The following SPRED1 variants were observed in gnomAD, a reference collection of about 807,000 sequenced individuals.
SPRED1 encodes the protein sprouty-related, EVH1 domain-containing protein 1.
SPRED1 carries 18 observed loss-of-function variants against 52.3 expected under a neutral mutation model. The observed-to-expected ratio is 0.34, with a 90% CI of 0.24 to 0.51. SPRED1 has a LOEUF of 0.51. Among genes scored for constraint, SPRED1 ranks in the 20% least tolerant of loss-of-function variants. SPRED1 has a pLI of 0.97. For missense variants in SPRED1, 485 were observed against 551.0 expected, an observed-to-expected ratio of 0.88 and a Z score of 1.20; for synonymous variants, 155 against 179.7, an observed-to-expected ratio of 0.86 and a Z score of 1.10.
At chr15:38,294,618 G>A (rs1354996323) in intron 1 of SPRED1, among the ~76,000 whole-genome samples, 1 of 152,106 alleles carries the variant, frequency 6.6e-6, no homozygotes, top group Non-Finnish European at 1.5e-5. Flanking sequence ...AGAAAAGAAA[G>A]GTATAGAGAG....
At chr15:38,255,930 A>T (rs938072668) in intron 1 of SPRED1, among the ~76,000 whole-genome samples, 1 of 152,166 alleles carries the variant, frequency 6.6e-6, no homozygotes, top group Non-Finnish European at 1.5e-5. Flanking sequence ...GGAAACCATT[A>T]ACCCTTTCTA....
At position 38,356,716 on chromosome 15, in the gene SPRED1, T is replaced by C. The variant is rs935070534; in HGVS notation, c.*5052T>C. ...CATGTTGCAGCTAAGCTAATGACCT[T>C]AAGTGGCAATTGTTTAACCCAGGAC... On this transcript the variant is annotated 3_prime_UTR_variant, in exon 7 of 7. Coordinates refer to ENST00000299084, the MANE Select transcript of SPRED1 (RefSeq NM_152594.3). 2 of 152,022 alleles carry C rather than the reference T, an allele frequency of 1.3e-5. No homozygotes were observed. The highest frequency in any genetic ancestry group is 2.9e-5 in the Non-Finnish European group (2 of 67,970). 9.4% of individuals were successfully genotyped at this position (152,022 alleles called of 1,614,324 possible).
intron 1 of SPRED1, among the ~76,000 whole-genome samples, chr15:38,256,523 A>G (rs1459011096): frequency 1.3e-5 from 2 of 152,166 alleles, no homozygotes; most frequent in Non-Finnish European, 2.9e-5. Context: ...CATTTGGCTT[A>G]TTAGGTTCAC....
intron 1 of SPRED1, among the ~76,000 whole-genome samples, chr15:38,286,546 T>TTA: frequency 6.6e-6 from 1 of 151,802 alleles, no homozygotes; most frequent in South Asian, 2.1e-4. Flanking sequence ...TTATGGCTTT[T>TTA]TTTTTTTAAG....
chr15:38,291,864 C>T (rs1894930475), intron 1 of SPRED1, among the ~76,000 whole-genome samples: 1 of 152,192 alleles, frequency 6.6e-6, no homozygotes, highest in Non-Finnish European at 1.5e-5. Flanking sequence ...TTGACGTGGC[C>T]TGGAGATGTT....
chr15:38,287,120 G>A (rs1218267411), intron 1 of SPRED1, among the ~76,000 whole-genome samples: 1 of 152,052 alleles, frequency 6.6e-6, no homozygotes, highest in East Asian at 1.9e-4. Context: ...TTTAAAATGT[G>A]TAATAAGGCC....
At chr15:38,299,968 T>C (rs1174947030) in intron 2 of SPRED1, among the ~76,000 whole-genome samples, 1 of 152,194 alleles carries the variant, frequency 6.6e-6, no homozygotes, top group African/African-American at 2.4e-5. Flanking sequence ...AAATTAAAAA[T>C]AATAATTTTG....
At chr15:38,325,307 C>T (rs1895692801) in intron 4 of SPRED1, among the ~76,000 whole-genome samples, 1 of 152,160 alleles carries the variant, frequency 6.6e-6, no homozygotes, top group Admixed American at 6.5e-5. Flanking sequence ...GGTGTATAAA[C>T]ATAAATTTCA....
chr15:38,351,760 C>A lies in SPRED1; in HGVS notation c.*96C>A, dbSNP rs1566877203. 2 of 1,437,990 alleles carry A rather than the reference C, an allele frequency of 1.4e-6. No individual in the cohort carries two copies. Among genetic ancestry groups the A allele is most frequent in the Non-Finnish European group, 1.9e-6 (2 of 1,051,242 alleles). 89.1% of individuals were successfully genotyped at this position (1,437,990 alleles called of 1,614,324 possible). On this transcript the variant is annotated 3_prime_UTR_variant, in exon 7 of 7. Coordinates refer to ENST00000299084, the MANE Select transcript of SPRED1 (RefSeq NM_152594.3). The stretch of plus-strand genomic sequence containing the variant: ...TTTTGGCAAGCAATATGGAATCTTG[C>A]CTGGTATCATTGAGCCCACACATGG...
intron 1 of SPRED1, among the ~76,000 whole-genome samples, chr15:38,293,098 A>AATTTTTTTTT (rs1566857726): frequency 4.9e-5 from 1 of 20,208 alleles, no homozygotes; most frequent in African/African-American, 1.2e-4. Context: ...CAAGATTACA[A>AATTTTTTTTT]CTTTTTTTTT....
At chr15:38,276,662 A>G (rs750897412) in intron 1 of SPRED1, among the ~76,000 whole-genome samples, 7 of 152,194 alleles carry the variant, frequency 4.6e-5, no homozygotes, top group Non-Finnish European at 8.8e-5. Context: ...TGCTACCTAC[A>G]ATGTGAAATA....
rs1782515238 is a variant in SPRED1, at chr15:38,354,524, G to A, written c.*2860G>A. ...GGAGCTTCAGCACCACCTACTGGAT[G>A]ATTTCCAGGCCAGAGACATGAGATG... On this transcript the variant is annotated 3_prime_UTR_variant, in exon 7 of 7. Coordinates refer to ENST00000299084, the MANE Select transcript of SPRED1 (RefSeq NM_152594.3). The A allele has an allele frequency of 6.6e-6, 1 of 152,174 alleles. No individual in the cohort carries two copies. The highest frequency in any genetic ancestry group is 2.1e-4 in the South Asian group (1 of 4,826). 9.4% of individuals were successfully genotyped at this position (152,174 alleles called of 1,614,324 possible). A position where few individuals can be genotyped will look rare whatever the true frequency, so the allele number is the denominator to read the frequency against.
In SPRED1 at chr15:38,322,207, T is replaced by C. The variant is rs773490200; in HGVS notation, c.208-34T>C. The C allele has an allele frequency of 3.2e-5, 51 of 1,601,020 alleles. No homozygotes were observed. The Admixed American group carries it at 7.5e-4, about 24-fold the overall frequency. On this transcript the variant is annotated intron_variant, in intron 2 of 6. Coordinates refer to ENST00000299084, the MANE Select transcript of SPRED1 (RefSeq NM_152594.3). ...AGCTACATTAGATGCATTTGATATATGTATATTAATTTTTGGTATTTGGCT... is the reference window on the plus strand; with the variant it reads ...AGCTACATTAGATGCATTTGATATACGTATATTAATTTTTGGTATTTGGCT...
chr15:38,335,092 A>G (rs138293095), intron 4 of SPRED1, among the ~76,000 whole-genome samples: 1 of 152,076 alleles, frequency 6.6e-6, no homozygotes, highest in African/African-American at 2.4e-5. Flanking sequence ...CTTACATTCC[A>G]TTTCTTTTTC....
chr15:38,317,453 T>C (rs915229839), intron 2 of SPRED1, among the ~76,000 whole-genome samples: 1 of 151,986 alleles, frequency 6.6e-6, no homozygotes, highest in African/African-American at 2.4e-5. Context: ...ATTGGTTGTT[T>C]TTAATCTCTT....
At chr15:38,295,424 G>T (rs190927912) in intron 1 of SPRED1, among the ~76,000 whole-genome samples, 1 of 152,300 alleles carries the variant, frequency 6.6e-6, no homozygotes, top group Admixed American at 6.5e-5. Context: ...TTAGCACAAT[G>T]GTAAGTATTT....
intron 2 of SPRED1, among the ~76,000 whole-genome samples, chr15:38,314,289 T>A (rs1895426544): frequency 6.6e-6 from 1 of 151,858 alleles, no homozygotes; most frequent in Non-Finnish European, 1.5e-5. Flanking sequence ...TATTCAGATA[T>A]GTTACTCTGA....
At chr15:38,309,485 G>A (rs1208163979) in intron 2 of SPRED1, among the ~76,000 whole-genome samples, 1 of 152,154 alleles carries the variant, frequency 6.6e-6, no homozygotes, top group Non-Finnish European at 1.5e-5. Flanking sequence ...GTATATTCTA[G>A]CTACTAAGTC....
At chr15:38,318,637 C>T (rs1442672633) in intron 2 of SPRED1, among the ~76,000 whole-genome samples, 1 of 152,098 alleles carries the variant, frequency 6.6e-6, no homozygotes, top group Admixed American at 6.5e-5. Flanking sequence ...ATCTTTGTGT[C>T]TATGAGTATT....
Sources: gnomAD v4.1 joint callset for allele counts (sites outside exome capture counted in the v4.1 genomes callset) on GRCh38, gnomAD v4.1.1 for gene constraint, MANE v1.5 for transcripts, NCBI Gene and HGNC (gene_info 2026-07-23, HGNC 2026-07-21) for gene names.